The following USP39 variants were observed in gnomAD, a reference collection of about 807,000 sequenced individuals.
USP39 encodes ubiquitin carboxyl-terminal hydrolase 39.
In USP39, 38 loss-of-function variants were observed where a neutral mutation model predicts 66.4. The ratio of observed to expected loss-of-function variants is 0.57; its 90% CI spans 0.44 to 0.75. The LOEUF (loss-of-function observed/expected upper bound fraction) is 0.75, where lower values mean the gene tolerates loss of function less well. Ranked by LOEUF, USP39 falls within the 30% of genes least tolerant of loss-of-function variation. USP39 has a pLI of 0.00. For synonymous variants in USP39, 303 were observed against 274.6 expected, an observed-to-expected ratio of 1.10 and a Z score of -1.02; for missense variants, 608 against 714.4, an observed-to-expected ratio of 0.85 and a Z score of 1.70.
At chr2:85,643,805 G>A (rs1456865015) in intron 10 of USP39, among the ~76,000 whole-genome samples, 3 of 151,760 alleles carry the variant, frequency 2.0e-5, no homozygotes, top group African/African-American at 4.8e-5. Flanking sequence ...ACGCCGCCAC[G>A]CCCAGCTAAT....
chr2:85,640,073 T>C (rs1196661720), intron 9 of USP39, among the ~76,000 whole-genome samples: 1 of 151,966 alleles, frequency 6.6e-6, no homozygotes, highest in South Asian at 2.1e-4. Flanking sequence ...GTGCTCACTT[T>C]GTTGCCCAGG....
chr2:85,648,063 G>C (rs1211871402), intron 12 of USP39, 47 bp downstream of exon 12: 1 of 1,602,780 alleles, frequency 6.2e-7, no homozygotes, highest in Non-Finnish European at 8.5e-7. Flanking sequence ...TGGCGTATGG[G>C]GCCAGTGAGA....
At position 85,624,190 on chromosome 2, in the gene USP39, T is replaced by A. The variant is rs556422340; in HGVS notation, c.570+408T>A. On this transcript the variant is annotated intron_variant, in intron 4 of 12. Coordinates refer to ENST00000323701, the MANE Select transcript of USP39 (RefSeq NM_006590.4). ...TGGCCAGAGCATCCAGCCACAGATA[T>A]CTTATCTGTGGGCTCTAGTTTGTGA... Among the ~76,000 whole-genome samples, 4 of 151,960 alleles carry A rather than the reference T, an allele frequency of 2.6e-5. No homozygotes were observed. The South Asian group carries it at 8.3e-4, about 32-fold the overall frequency.
At chr2:85,608,815 C>G (rs1673318442), upstream of USP39, 1 of 1,302,696 alleles carries the variant, frequency 7.7e-7, no homozygotes, top group Non-Finnish European at 1.1e-6. Flanking sequence ...CCTGCAACAC[C>G]CTATGGATGC....
At position 85,641,926 on chromosome 2, in the gene USP39, A is replaced by AAAAG. The variant is rs869310602; in HGVS notation, c.1427+824_1427+827dup. Reference sequence around the variant, plus strand: ...CTGTGCTAAAAAAAAAAAAAAAAAAAAAAGAAAGAAAGAAAGAAAATAGTG... The same window carrying AAAAG: ...CTGTGCTAAAAAAAAAAAAAAAAAAAAAAGAAAGAAAGAAAGAAAGAAAATAGTG... On this transcript the variant is annotated intron_variant, in intron 10 of 12. Coordinates refer to ENST00000323701, the MANE Select transcript of USP39 (RefSeq NM_006590.4). 1.3e-3 allele frequency among the ~76,000 whole-genome samples: 141 copies of AAAAG among 112,360 alleles called. 2 individuals are homozygous for AAAAG. The highest frequency in any genetic ancestry group is 4.1e-3 in the East Asian group (19 of 4,590). 73.7% of individuals were successfully genotyped at this position (112,360 alleles called of 152,430 possible).
chr2:85,645,750 GCT>G (rs1676596200), intron 11 of USP39: 1 of 152,206 alleles, frequency 6.6e-6, no homozygotes, highest in African/African-American at 2.4e-5. Context: ...AAGGTTAAAG[GCT>G]CTCTGTTAGA....
chr2:85,639,104 T>C, intron 8 of USP39, 99 bp from the exon 9 acceptor site: 3 of 1,251,586 alleles, frequency 2.4e-6, no homozygotes, highest in Non-Finnish European at 3.3e-6. Flanking sequence ...CTTTGTTCTT[T>C]CAGATGAAGG....
intron 6 of USP39, among the ~76,000 whole-genome samples, chr2:85,631,213 C>G (rs943197274): frequency 6.6e-6 from 1 of 151,796 alleles, no homozygotes; most frequent in Non-Finnish European, 1.5e-5. Context: ...TGGGGTTTCA[C>G]TATGTTGGCC....
chr2:85,614,875 G>T (rs1212364348), upstream of USP39, among the ~76,000 whole-genome samples: 1 of 152,206 alleles, frequency 6.6e-6, no homozygotes, highest in African/African-American at 2.4e-5. Flanking sequence ...AATGCAGCCT[G>T]TCAAGGCCCA....
At chr2:85,644,851 T>C in intron 10 of USP39, 97 bp from the exon 11 acceptor site, 1 of 1,527,620 alleles carries the variant, frequency 6.5e-7, no homozygotes, top group Non-Finnish European at 8.9e-7. Flanking sequence ...GGTCCTAAAA[T>C]AGGGCTGAAC....
chr2:85,636,088 G>A lies in USP39; in HGVS notation c.985G>A (p.Ala329Thr). 6.2e-7 allele frequency: 1 copy of A among 1,614,106 alleles called. No individual in the cohort carries two copies. Residue 329 changes from alanine (A) to threonine (T), a missense_variant, in exon 7 of 13, where the codon GCT becomes ACT. Physicochemically the swap from Ala to Thr is moderately conservative, Grantham distance 58. Transcript: ENST00000323701. ...GVDFLSWFLN[A>T]LHSALGGTKK... ...TGACTTTCTGTCTTGGTTTCTGAAT[G>A]CTCTGCACTCAGCTCTGGGGGGCAC... is the stretch of plus-strand genomic sequence containing the variant.
intron 6 of USP39, among the ~76,000 whole-genome samples, chr2:85,631,235 G>A (rs994958901): frequency 2.6e-5 from 4 of 151,030 alleles, no homozygotes; most frequent in South Asian, 2.1e-4. Context: ...GGCTGATCTC[G>A]AACTCCTGAC....
At chr2:85,623,332 A>T (rs1160499915) in intron 3 of USP39, among the ~76,000 whole-genome samples, 1 of 150,118 alleles carries the variant, frequency 6.7e-6, no homozygotes, top group Admixed American at 6.7e-5. Context: ...GTATGAATAT[A>T]TAGTTATATG....
At chr2:85,625,001 G>A (rs1674738650) in intron 4 of USP39, among the ~76,000 whole-genome samples, 1 of 151,936 alleles carries the variant, frequency 6.6e-6, no homozygotes, top group African/African-American at 2.4e-5. Context: ...ATTTATAGAG[G>A]GAAAAACTGG....
At chr2:85,625,213 A>G (rs1051167580) in intron 4 of USP39, among the ~76,000 whole-genome samples, 2 of 152,108 alleles carry the variant, frequency 1.3e-5, no homozygotes, top group South Asian at 2.1e-4. Context: ...AGGAGGTTCT[A>G]TCTGAGACTT....
At chr2:85,640,772 CTTTTTTTTTTTT>C (rs962406690) in intron 9 of USP39, among the ~76,000 whole-genome samples, 192 bp from the exon 10 acceptor site, 2 of 128,616 alleles carry the variant, frequency 1.6e-5, no homozygotes, top group African/African-American at 5.7e-5. Flanking sequence ...CAGGCCCGGC[CTTTTTTTTTTTT>C]TTTTTTTTTA....
At chr2:85,623,318 CTATG>C (rs905705654) in intron 3 of USP39, among the ~76,000 whole-genome samples, 16 of 150,176 alleles carry the variant, frequency 1.1e-4, no homozygotes, top group Admixed American at 4.0e-4. Flanking sequence ...ATATAGGAAA[CTATG>C]TATGAATATA....
chr2:85,620,567 AC>A (rs1166917265), intron 2 of USP39, among the ~76,000 whole-genome samples: 1 of 152,164 alleles, frequency 6.6e-6, no homozygotes, highest in African/African-American at 2.4e-5. Context: ...CAGTTGAAGA[AC>A]TGAATTTTAA....
intron 10 of USP39, among the ~76,000 whole-genome samples, chr2:85,643,729 C>T (rs573220237): frequency 2.5e-4 from 37 of 150,714 alleles, no homozygotes; most frequent in African/African-American, 9.0e-4. Flanking sequence ...CTCACTGCAA[C>T]CTTCGCCTCC....
Sources: gnomAD v4.1 joint callset for allele counts (sites outside exome capture counted in the v4.1 genomes callset) on GRCh38, gnomAD v4.1.1 for gene constraint, MANE v1.5 for transcripts, NCBI Gene and HGNC (gene_info 2026-07-23, HGNC 2026-07-21) for gene names.